Variants in CRYL1 observed in about 807,000 individuals in gnomAD.
CRYL1 encodes the protein crystallin lambda 1.
A neutral mutation model predicts 36.6 loss-of-function variants in CRYL1; 29 were observed. That is an observed-to-expected ratio of 0.79 (90% confidence interval 0.59 to 1.08). CRYL1 has a LOEUF of 1.08. Ranked by LOEUF, CRYL1 falls within the 50% of genes least tolerant of loss-of-function variation. The probability of loss-of-function intolerance (pLI) is 0.00; values close to 1 mark genes in which losing one functional copy is unlikely to be tolerated. For missense variants in CRYL1, 411 were observed against 407.9 expected, an observed-to-expected ratio of 1.01 and a Z score of -0.06; for synonymous variants, 152 against 151.5, an observed-to-expected ratio of 1.00 and a Z score of -0.02.
intron 2 of CRYL1, among the ~76,000 whole-genome samples, chr13:20,510,638 A>C (rs903817992): frequency 1.2e-4 from 17 of 143,536 alleles, no homozygotes; most frequent in African/African-American, 4.2e-4. Context: ...TTCAAGACAG[A>C]GTCTCACTCT....
intron 2 of CRYL1, among the ~76,000 whole-genome samples, chr13:20,508,106 C>T (rs2137502726): frequency 6.6e-6 from 1 of 151,880 alleles, no homozygotes; most frequent in Admixed American, 6.6e-5. Flanking sequence ...GTGCACACCC[C>T]TAATCCCAGC....
chr13:20,407,092 G>A (rs1444847057), intron 6 of CRYL1, among the ~76,000 whole-genome samples: 6 of 148,462 alleles, frequency 4.0e-5, no homozygotes, highest in African/African-American at 1.2e-4. Flanking sequence ...ATTCTGTTTT[G>A]TAGAAATAAA....
intron 2 of CRYL1, among the ~76,000 whole-genome samples, chr13:20,511,280 C>CG (rs1354959961): frequency 6.6e-6 from 1 of 151,852 alleles, no homozygotes; most frequent in Non-Finnish European, 1.5e-5. Context: ...TCTGTAGAGA[C>CG]GGGGTCTCAC....
intron 5 of CRYL1, among the ~76,000 whole-genome samples, chr13:20,422,568 G>A (rs574550109): frequency 1.3e-5 from 2 of 152,300 alleles, no homozygotes; most frequent in East Asian, 3.9e-4. Context: ...AAACCTGTGG[G>A]AAAGCTGAGC....
intron 1 of CRYL1, among the ~76,000 whole-genome samples, chr13:20,517,178 T>C (rs56821115): frequency 0.23 from 35,402 of 152,164 alleles, 5,737 homozygotes; most frequent in African/African-American, 0.47. Flanking sequence ...GGCACCCACC[T>C]TATATGGGTG....
intron 6 of CRYL1, among the ~76,000 whole-genome samples, chr13:20,405,170 C>T (rs2031333208): frequency 6.6e-6 from 1 of 152,036 alleles, no homozygotes; most frequent in South Asian, 2.1e-4. Context: ...ACTCAGGAGG[C>T]TGAGGCAGAA....
At chr13:20,423,917 C>A (rs893340339) in intron 5 of CRYL1, among the ~76,000 whole-genome samples, 13 of 151,790 alleles carry the variant, frequency 8.6e-5, no homozygotes, top group Non-Finnish European at 1.5e-4. Context: ...ACTACAGGTG[C>A]ACAGCACCAC....
rs2031907855 is a variant in CRYL1, at chr13:20,425,249, G to A, written c.633+6853C>T. ...CTCTTGTCAAGCTCTGCTGCTTCCAGCCACAAGACTGCTGTTCCTGTCCTT... is the reference window on the plus strand; with the variant it reads ...CTCTTGTCAAGCTCTGCTGCTTCCAACCACAAGACTGCTGTTCCTGTCCTT... On this transcript the variant is annotated intron_variant, in intron 5 of 7. Transcript: ENST00000298248. This position sits in a 1 kb window ranked among gnomAD's most constrained non-coding sequence, Gnocchi z 4.4. 6.6e-6 allele frequency among the ~76,000 whole-genome samples: 1 copy of A among 152,198 alleles called. No homozygotes were observed. The highest frequency in any genetic ancestry group is 6.5e-5 in the Admixed American group (1 of 15,284).
rs952481957 is a variant in CRYL1 at position 20,405,195 on chromosome 13, C to T, written c.740-454G>A. Among the ~76,000 whole-genome samples the T allele has an allele frequency of 4.0e-5, 6 of 151,866 alleles. No homozygotes were observed. In the East Asian group the frequency reaches 1.2e-3, roughly 29 times the overall value. On this transcript the variant is annotated intron_variant, in intron 6 of 7. Transcript: ENST00000298248. The stretch of plus-strand genomic sequence containing the variant: ...CTGAGGCAGAAGAATCGCTTGAACC[C>T]GGGAGGCAGAGGTTGCAGTGGGCTG...
intron 5 of CRYL1, among the ~76,000 whole-genome samples, chr13:20,416,040 A>G (rs1235144638): frequency 6.6e-6 from 1 of 152,210 alleles, no homozygotes; most frequent in Admixed American, 6.5e-5. Context: ...GCTGGGGCCC[A>G]GAGCATCCTT....
rs1441741704 is a variant in CRYL1 at position 20,525,841 on chromosome 13, G to A, written c.-47C>T. On this transcript the variant is annotated 5_prime_UTR_variant, in exon 1 of 8. Transcript: ENST00000298248. The surrounding 1 kb of genome is among the most constrained non-coding windows in gnomAD (Gnocchi z 4.3). The stretch of plus-strand genomic sequence containing the variant: ...CCGCGGGCGCTGGGACCAGGCGCCG[G>A]CGGAGCTGCGAGCTCTGGGCTCCGG... 4.8e-5 allele frequency: 58 copies of A among 1,210,692 alleles called. No homozygotes were observed. The highest frequency in any genetic ancestry group is 5.9e-5 in the Non-Finnish European group (57 of 972,176). 75.0% of individuals were successfully genotyped at this position (1,210,692 alleles called of 1,614,324 possible).
intron 3 of CRYL1, among the ~76,000 whole-genome samples, chr13:20,471,155 G>A (rs1005962081): frequency 1.3e-5 from 2 of 152,126 alleles, no homozygotes; most frequent in African/African-American, 4.8e-5. Flanking sequence ...AAATTCACGT[G>A]AAAGAGTATG....
intron 3 of CRYL1, 167 bp from the exon 4 acceptor site, chr13:20,439,921 C>T: frequency 4.8e-6 from 3 of 623,284 alleles, no homozygotes. Context: ...ACAGCGGAAG[C>T]AGGGAGGTCC....
chr13:20,498,084 A>ACAAACACACAACAC (rs2033643860), intron 2 of CRYL1, among the ~76,000 whole-genome samples: 1 of 150,112 alleles, frequency 6.7e-6, no homozygotes, highest in Non-Finnish European at 1.5e-5. Context: ...CACACACCAC[A>ACAAACACACAACAC]CATACACACA....
intron 4 of CRYL1, 79 bp downstream of exon 4, chr13:20,439,514 C>CAAAAAAAAAAAAAAGAAAAAAAA: frequency 6.0e-6 from 2 of 330,904 alleles, no homozygotes; most frequent in East Asian, 8.4e-5. Context: ...CCCTCCCCCG[C>CAAAAAAAAAAAAAAGAAAAAAAA]AAAAAAAAAA....
intron 2 of CRYL1, among the ~76,000 whole-genome samples, chr13:20,509,404 C>T (rs541198313): frequency 6.6e-6 from 1 of 152,098 alleles, no homozygotes; most frequent in Admixed American, 6.5e-5. Context: ...CTATGATGGA[C>T]CAGAATCCCT....
chr13:20,457,858 C>T (rs1272197615), intron 3 of CRYL1, among the ~76,000 whole-genome samples: 1 of 152,180 alleles, frequency 6.6e-6, no homozygotes, highest in Admixed American at 6.5e-5. Flanking sequence ...TTATTATCTT[C>T]ATTTCACAGA....
chr13:20,508,171 G>A (rs2033838070), intron 2 of CRYL1, among the ~76,000 whole-genome samples: 1 of 152,100 alleles, frequency 6.6e-6, no homozygotes, highest in Non-Finnish European at 1.5e-5. Flanking sequence ...GGAGGCTGCA[G>A]TGAGCCAAGA....
In CRYL1 at chr13:20,404,012, C is replaced by G. The variant is rs966520016; in HGVS notation, c.*117G>C. On this transcript the variant is annotated 3_prime_UTR_variant, in exon 8 of 8. Transcript: ENST00000298248. ...CACCCCACTCAGGCTGCACACAAGACAGCCAGCTTAGGATCTCCGTGGGCT... is the reference window on the plus strand; with the variant it reads ...CACCCCACTCAGGCTGCACACAAGAGAGCCAGCTTAGGATCTCCGTGGGCT... 3 of 719,816 alleles carry G rather than the reference C, an allele frequency of 4.2e-6. No individual in the cohort carries two copies. The highest frequency in any genetic ancestry group is 2.6e-5 in the East Asian group (1 of 38,994). The allele number at this position is 719,816 out of a possible 1,614,324, so 44.6% of individuals were successfully genotyped here.
Sources: gnomAD v4.1 joint callset for allele counts (sites outside exome capture counted in the v4.1 genomes callset) on GRCh38, gnomAD v4.1.1 for gene constraint, Gnocchi (gnomAD v3.1) non-coding constraint, MANE v1.5 for transcripts, NCBI Gene and HGNC (gene_info 2026-07-23, HGNC 2026-07-21) for gene names.